Variants in SPOCK1 observed in about 807,000 individuals in gnomAD.
SPOCK1 encodes SPARC (osteonectin), cwcv and kazal like domains proteoglycan 1.
Under a neutral mutation model 55.3 loss-of-function variants are expected in SPOCK1, and 23 were observed. The observed-to-expected ratio is 0.42, with a 90% CI of 0.30 to 0.59. The LOEUF is 0.59. Among genes scored for constraint, SPOCK1 ranks in the 20% least tolerant of loss-of-function variants. SPOCK1 has a pLI of 0.22. For missense variants in SPOCK1, 499 were observed against 552.5 expected, an observed-to-expected ratio of 0.90 and a Z score of 0.97; for synonymous variants, 226 against 221.0, an observed-to-expected ratio of 1.02 and a Z score of -0.20.
chr5:137,471,802 A>G (rs1213844894), intron 2 of SPOCK1, among the ~76,000 whole-genome samples: 1 of 152,110 alleles, frequency 6.6e-6, no homozygotes, highest in Non-Finnish European at 1.5e-5. Context: ...GAGGAACCCC[A>G]TCACTCCCTC....
chr5:137,062,949 T>A (rs1752421519), intron 6 of SPOCK1, among the ~76,000 whole-genome samples: 1 of 152,164 alleles, frequency 6.6e-6, no homozygotes, highest in African/African-American at 2.4e-5. Context: ...TAAGAAATAT[T>A]CAGGGCCGGG....
intron 6 of SPOCK1, among the ~76,000 whole-genome samples, chr5:137,031,797 A>G (rs185141604): frequency 6.4e-4 from 98 of 152,224 alleles, no homozygotes; most frequent in African/African-American, 2.3e-3. Flanking sequence ...TCTTTTTATC[A>G]TAATCAAGAA....
At chr5:137,349,495 G>A (rs1037225374) in intron 2 of SPOCK1, among the ~76,000 whole-genome samples, 1 of 152,144 alleles carries the variant, frequency 6.6e-6, no homozygotes, top group African/African-American at 2.4e-5. Context: ...GATGGTATAG[G>A]GGAATATCTT....
At chr5:137,380,738 C>A (rs1751445054) in intron 2 of SPOCK1, among the ~76,000 whole-genome samples, 1 of 152,146 alleles carries the variant, frequency 6.6e-6, no homozygotes. Flanking sequence ...CTGATCACCT[C>A]CCACCTGGCC....
In SPOCK1 at chr5:137,094,630, G is replaced by T. The variant is rs149653311; in HGVS notation, c.474+17805C>A. Among the ~76,000 whole-genome samples the T allele has an allele frequency of 7.9e-3, 1,208 of 152,292 alleles. 59 individuals are homozygous for T. Among genetic ancestry groups the T allele is most frequent in the Admixed American group, 0.072 (1,102 of 15,300 alleles). On this transcript the variant is annotated intron_variant, in intron 5 of 10. Transcript: ENST00000394945. ...TTCAGAAAGTCATGACCTTTTTGCTGGTGGAGGGTCTTGCCCTGATATTGA... is the reference window on the plus strand; with the variant it reads ...TTCAGAAAGTCATGACCTTTTTGCTTGTGGAGGGTCTTGCCCTGATATTGA...
intron 4 of SPOCK1, among the ~76,000 whole-genome samples, chr5:137,137,939 C>T (rs899327136): frequency 1.3e-5 from 2 of 152,122 alleles, no homozygotes; most frequent in African/African-American, 2.4e-5. Flanking sequence ...ATGTACTTTA[C>T]ACACCATCAT....
At chr5:137,339,463 GAGGA>G (rs1750365264) in intron 2 of SPOCK1, among the ~76,000 whole-genome samples, 1 of 152,202 alleles carries the variant, frequency 6.6e-6, no homozygotes, top group Non-Finnish European at 1.5e-5. Flanking sequence ...CTCACCCCAT[GAGGA>G]CAGCCTGCCC....
At chr5:137,002,047 C>T (rs751691570) in intron 6 of SPOCK1, among the ~76,000 whole-genome samples, 18 of 152,162 alleles carry the variant, frequency 1.2e-4, no homozygotes, top group Admixed American at 6.5e-5. Context: ...TTAGAGAATG[C>T]GTCATTTTAT....
At chr5:137,307,309 A>T (rs141914013) in intron 2 of SPOCK1, among the ~76,000 whole-genome samples, 2 of 152,306 alleles carry the variant, frequency 1.3e-5, no homozygotes, top group African/African-American at 2.4e-5. Flanking sequence ...ACTACCAAAC[A>T]TACATACCCA....
intron 3 of SPOCK1, among the ~76,000 whole-genome samples, chr5:137,160,624 TTATATAA>T (rs1192968104): frequency 2.9e-5 from 2 of 69,338 alleles, no homozygotes; most frequent in Non-Finnish European, 4.9e-5. Context: ...AATATATATT[TTATATAA>T]TATATAATAT....
At chr5:137,017,024 C>T (rs941733164) in intron 6 of SPOCK1, among the ~76,000 whole-genome samples, 5 of 152,222 alleles carry the variant, frequency 3.3e-5, no homozygotes, top group African/African-American at 1.2e-4. Flanking sequence ...CGAGGCCCTG[C>T]AGCATGCTGT....
intron 2 of SPOCK1, among the ~76,000 whole-genome samples, chr5:137,450,009 TA>T (rs200016393): frequency 3.5e-5 from 5 of 141,464 alleles, no homozygotes; most frequent in Admixed American, 1.4e-4. Context: ...GTGGCATTCA[TA>T]AAAAAAAACT....
rs754170758 is a variant in SPOCK1 at position 137,016,292 on chromosome 5, T to A, written c.590-23692A>T. On this transcript the variant is annotated intron_variant, in intron 6 of 10. Transcript: ENST00000394945. Reference sequence around the variant, plus strand: ...AAAAATAATATTCCCACCTCACACATTGTCAGGCAGAATAAATGAAGGTCA... The same window carrying A: ...AAAAATAATATTCCCACCTCACACAATGTCAGGCAGAATAAATGAAGGTCA... Among the ~76,000 whole-genome samples the A allele has an allele frequency of 6.6e-5, 10 of 152,162 alleles. 1 individual carries two copies. The highest frequency in any genetic ancestry group is 1.5e-5 in the Non-Finnish European group (1 of 68,036).
At chr5:137,129,829 A>C (rs760891454) in intron 4 of SPOCK1, among the ~76,000 whole-genome samples, 1 of 152,228 alleles carries the variant, frequency 6.6e-6, no homozygotes, top group Non-Finnish European at 1.5e-5. Context: ...AAGCTGGTAG[A>C]CAATGGCTGG....
chr5:137,299,481 T>G (rs1052588190), intron 2 of SPOCK1, among the ~76,000 whole-genome samples: 1 of 151,918 alleles, frequency 6.6e-6, no homozygotes, highest in Admixed American at 6.5e-5. Context: ...TGTTTACATA[T>G]AAAATACATA....
chr5:137,251,309 CTTG>C (rs1459876934), intron 3 of SPOCK1, among the ~76,000 whole-genome samples: 2 of 152,294 alleles, frequency 1.3e-5, no homozygotes, highest in South Asian at 2.1e-4. Context: ...AAACTATTTT[CTTG>C]TTGTGTTGCC....
intron 6 of SPOCK1, among the ~76,000 whole-genome samples, chr5:137,066,203 A>G (rs1752502400): frequency 6.6e-6 from 1 of 152,184 alleles, no homozygotes; most frequent in African/African-American, 2.4e-5. Flanking sequence ...CAGTGGCGCA[A>G]TCTTGACTCA....
chr5:137,342,851 CTT>C (rs994454518), intron 2 of SPOCK1, among the ~76,000 whole-genome samples: 20 of 152,310 alleles, frequency 1.3e-4, no homozygotes, highest in Admixed American at 3.9e-4. Flanking sequence ...CCTCCTGGCT[CTT>C]TGTTCCACTC....
intron 4 of SPOCK1, among the ~76,000 whole-genome samples, chr5:137,133,711 G>C (rs1282543878): frequency 6.6e-6 from 1 of 152,098 alleles, no homozygotes; most frequent in Non-Finnish European, 1.5e-5. Flanking sequence ...AAAAGAGAGA[G>C]GCGATTGTGG....
Sources: gnomAD v4.1 joint callset for allele counts (sites outside exome capture counted in the v4.1 genomes callset) on GRCh38, gnomAD v4.1.1 for gene constraint, MANE v1.5 for transcripts, NCBI Gene and HGNC (gene_info 2026-07-23, HGNC 2026-07-21) for gene names.